MYOF: variants seen among roughly 807,000 people sequenced by gnomAD.
The protein encoded by MYOF is fer-1-like 3, myoferlin.
A neutral mutation model predicts 284.2 loss-of-function variants in MYOF; 244 were observed. The observed-to-expected ratio is 0.86, with a 90% confidence interval of 0.77 to 0.95. MYOF has a LOEUF of 0.95. Among genes scored for constraint, MYOF ranks in the 40% least tolerant of loss-of-function variants. MYOF has a pLI of 0.00. For synonymous variants in MYOF, 904 were observed against 919.7 expected (o/e 0.98, Z 0.31); for missense variants, 2,496 against 2,560.6 (o/e 0.97, Z 0.54).
intron 3 of MYOF, among the ~76,000 whole-genome samples, chr10:93,447,691 T>C (rs1475256852): frequency 6.6e-6 from 1 of 152,134 alleles, no homozygotes; most frequent in Non-Finnish European, 1.5e-5. Context: ...TGAATTAGTC[T>C]CAAAGTGTGA....
At chr10:93,426,884 C>CTTT (rs1169014883) in intron 4 of MYOF, among the ~76,000 whole-genome samples, 29,402 of 103,782 alleles carry the variant, frequency 0.28, 6,034 homozygotes, top group Non-Finnish European at 0.42. Context: ...ACGAGACTGT[C>CTTT]TTTTTTTTTT....
intron 5 of MYOF, among the ~76,000 whole-genome samples, chr10:93,416,540 A>G (rs1848130453): frequency 6.6e-6 from 1 of 151,628 alleles, no homozygotes; most frequent in South Asian, 2.1e-4. Context: ...AAGAAAAAGA[A>G]AAAGAAACTT....
rs1844281715 is a variant in MYOF at position 93,347,627 on chromosome 10, T to C, written c.4239A>G (p.Pro1413=). 1 of 1,611,478 alleles carries C rather than the reference T, an allele frequency of 6.2e-7. No homozygotes were observed. Among genetic ancestry groups the C allele is most frequent in the Admixed American group, 1.7e-5 (1 of 59,912 alleles). The stretch of plus-strand genomic sequence containing the variant: ...AGCCTTGCATGTTACCTTTGAGCTG[T>C]GGGACGATGTCCTCTTTCCCTGCAT... ...DPYAGKEDIV[P]QLKASLLSAP... The change falls in exon 37 of 54, where the codon CCA becomes CCG. Residue 1413 remains proline (P), a synonymous_variant. Transcript: ENST00000359263.
intron 24 of MYOF, among the ~76,000 whole-genome samples, chr10:93,371,649 A>T (rs1009969616): frequency 1.3e-5 from 2 of 152,238 alleles, no homozygotes; most frequent in African/African-American, 2.4e-5. Context: ...TAAATATTTT[A>T]AAAATTTATC....
rs1232788802 is a variant in MYOF, at chr10:93,398,670, C to CTA, written c.1221+720_1221+721dup. Among the ~76,000 whole-genome samples, 8 of 152,286 alleles carry CTA rather than the reference C, an allele frequency of 5.3e-5. 1 individual carries two copies. Among genetic ancestry groups the CTA allele is most frequent in the African/African-American group, 1.2e-4 (5 of 41,558 alleles). ...TTTTGCCCCAGAGCTGAAGGCTTTT[C>CTA]TACCACACCCACTGAATCTTTTAGA... is the stretch of plus-strand genomic sequence containing the variant. On this transcript the variant is annotated intron_variant, in intron 13 of 53. Coordinates refer to ENST00000359263, the MANE Select transcript of MYOF (RefSeq NM_013451.4).
At chr10:93,309,022 TTAA>T (rs1176391656) in intron 53 of MYOF, among the ~76,000 whole-genome samples, 6 of 152,110 alleles carry the variant, frequency 3.9e-5, no homozygotes, top group Non-Finnish European at 8.8e-5. Context: ...GATATTATTA[TTAA>T]TGTGTTTTTG....
At chr10:93,319,752 G>C in intron 49 of MYOF, 120 bp downstream of exon 49, 1 of 1,372,086 alleles carries the variant, frequency 7.3e-7, no homozygotes, top group Non-Finnish European at 1.0e-6. Flanking sequence ...CCCCATCTCT[G>C]CTGAGAAGGA....
intron 19 of MYOF, 114 bp from the exon 20 acceptor site, chr10:93,381,510 A>G: frequency 9.1e-7 from 1 of 1,100,500 alleles, no homozygotes; most frequent in Admixed American, 2.3e-5. Context: ...ATTAAATGAC[A>G]GGGGAGAATG....
rs75511694 is a variant in MYOF, at chr10:93,384,906, A to G, written c.1698+2891T>C. Reference sequence around the variant, plus strand: ...AGGTCAGTGACAAGATCAGGTACCAATGAACACTGCCCAGCATGCCACCTT... The same window carrying G: ...AGGTCAGTGACAAGATCAGGTACCAGTGAACACTGCCCAGCATGCCACCTT... On this transcript the variant is annotated intron_variant, in intron 19 of 53. Coordinates refer to ENST00000359263, the MANE Select transcript of MYOF (RefSeq NM_013451.4). Among the ~76,000 whole-genome samples, 383 of 152,340 alleles carry G rather than the reference A, an allele frequency of 2.5e-3. 2 individuals carry two copies. The highest frequency in any genetic ancestry group is 8.9e-3 in the African/African-American group (369 of 41,588).
intron 41 of MYOF, among the ~76,000 whole-genome samples, chr10:93,335,681 G>A (rs192510264): frequency 6.6e-5 from 10 of 150,972 alleles, no homozygotes; most frequent in Non-Finnish European, 1.3e-4. Flanking sequence ...GAGATGGCTC[G>A]AGTGCTCTGG....
At position 93,452,062 on chromosome 10, in the gene MYOF, A is replaced by G. The variant is rs769552656; in HGVS notation, c.224T>C (p.Ile75Thr). Residue 75 changes from isoleucine (I) to threonine (T), a missense_variant, in exon 3 of 54, where the codon ATT becomes ACT. Ile to Thr is a moderately conservative substitution (Grantham distance 89). Transcript: ENST00000359263. ...LGIIVKDFET[I>T]GQNKLIGTAT... ...GAAAACAACTTACTTATTTTGTCCAATTGTCTCAAAATCTTTCACAATAAT... is the reference window on the plus strand; with the variant it reads ...GAAAACAACTTACTTATTTTGTCCAGTTGTCTCAAAATCTTTCACAATAAT... 1.2e-5 allele frequency: 19 copies of G among 1,611,354 alleles called. No individual in the cohort carries two copies. Among genetic ancestry groups the G allele is most frequent in the Non-Finnish European group, 1.5e-5 (18 of 1,178,626 alleles).
Position 93,435,816 on chromosome 10 carries a change from A to G in MYOF, c.237-4300T>C, listed in dbSNP as rs142481449. Among the ~76,000 whole-genome samples, 25 of 152,124 alleles carry G rather than the reference A, an allele frequency of 1.6e-4. No homozygotes were observed. The East Asian group carries it at 3.1e-3, about 19-fold the overall frequency. On this transcript the variant is annotated intron_variant, in intron 3 of 53. Coordinates refer to ENST00000359263, the MANE Select transcript of MYOF (RefSeq NM_013451.4). ...AAATTAGCTGGTTGTAGTGGCTCAC[A>G]CCAGTAGCCCCAGCTACTTGGGAGG...
Position 93,355,736 on chromosome 10 carries a change from C to T in MYOF, c.3295G>A (p.Gly1099Arg), listed in dbSNP as rs1289165932. The change falls in exon 31 of 54, where the codon GGG becomes AGG. Residue 1099 changes from glycine to arginine, a missense_variant and splice_region_variant. Transcript: ENST00000359263. ...TCCCCATCTTCGGTAGTGTCTGCCC[C>T]CTGAAGTCAATTAACAGAGTCAATT... ...AAIFKLEGAL[G>R]ADTTEDGDEK... is the part of the protein sequence containing the mutation. The T allele has an allele frequency of 1.9e-6, 3 of 1,610,642 alleles. No individual in the cohort carries two copies. In the East Asian group the frequency reaches 6.7e-5, roughly 36 times the overall value.
intron 38 of MYOF, among the ~76,000 whole-genome samples, chr10:93,343,629 T>C (rs1235217995): frequency 1.3e-5 from 2 of 152,240 alleles, no homozygotes; most frequent in Non-Finnish European, 2.9e-5. Flanking sequence ...TTAAGTATTC[T>C]GGGTGACTTA....
intron 31 of MYOF, among the ~76,000 whole-genome samples, chr10:93,354,339 C>T (rs1311024047): frequency 1.3e-5 from 2 of 152,326 alleles, no homozygotes; most frequent in Middle Eastern, 3.4e-3. Flanking sequence ...AATCACACCA[C>T]TGCACTCCAG....
intron 25 of MYOF, among the ~76,000 whole-genome samples, chr10:93,369,110 C>CTTTTTTT (rs66923086): frequency 0.053 from 4,145 of 78,242 alleles, 589 homozygotes; most frequent in African/African-American, 0.084. Context: ...ATTCAGACAG[C>CTTTTTTT]TTTTTTTTTT....
chr10:93,338,752 G>C (rs1163601921), intron 39 of MYOF, among the ~76,000 whole-genome samples: 1 of 152,124 alleles, frequency 6.6e-6, no homozygotes, highest in Non-Finnish European at 1.5e-5. Context: ...ACAGTGTTGG[G>C]AATCTCTGGT....
intron 3 of MYOF, among the ~76,000 whole-genome samples, chr10:93,438,958 G>A (rs2056159852): frequency 1.3e-5 from 2 of 152,104 alleles, no homozygotes; most frequent in African/African-American, 4.8e-5. Flanking sequence ...AAGGGGGTGT[G>A]GCTTTTTAAA....
At chr10:93,391,603 A>G (rs1846680658) in intron 17 of MYOF, among the ~76,000 whole-genome samples, 1 of 151,790 alleles carries the variant, frequency 6.6e-6, no homozygotes, top group Non-Finnish European at 1.5e-5. Context: ...CTCAGAAAAA[A>G]AAAAGAAAGA....
Sources: gnomAD v4.1 joint callset for allele counts (sites outside exome capture counted in the v4.1 genomes callset) on GRCh38, gnomAD v4.1.1 for gene constraint, MANE v1.5 for transcripts, NCBI Gene and HGNC (gene_info 2026-07-23, HGNC 2026-07-21) for gene names.